The following TTN variants were observed in gnomAD, a reference collection of about 807,000 sequenced individuals.
TTN encodes connectin.
A neutral mutation model predicts 3,223.0 loss-of-function variants in TTN; 1,525 were observed. The observed-to-expected ratio is 0.47, with a 90% CI of 0.45 to 0.49. The LOEUF (loss-of-function observed/expected upper bound fraction) is 0.49, where lower values mean the gene tolerates loss of function less well. Among genes scored for constraint, TTN ranks in the 20% least tolerant of loss-of-function variants. TTN has a pLI of 0.00. For missense variants in TTN, 40,786 were observed against 43,424.0 expected (o/e 0.94, Z 5.40); for synonymous variants, 14,094 against 15,161.0 (o/e 0.93, Z 5.17).
chr2:178,629,288 GC>G lies in TTN; in HGVS notation c.44424+12del, dbSNP rs1201906301. The G allele has an allele frequency of 6.2e-7, 1 of 1,611,152 alleles. No homozygotes were observed. Among genetic ancestry groups the G allele is most frequent in the Non-Finnish European group, 8.5e-7 (1 of 1,178,616 alleles). On this transcript the variant is annotated intron_variant, in intron 240 of 362. Transcript: ENST00000589042. ...AAAAAGAACGGGAAAGACAAGGCAT[GC>G]CTGCTTTTTACCTTATCGCTGGGCT...
chr2:178,767,562 G>A (rs1196839138), intron 40 of TTN, among the ~76,000 whole-genome samples, 197 bp downstream of exon 40: 1 of 152,184 alleles, frequency 6.6e-6, no homozygotes, highest in Admixed American at 6.5e-5. Context: ...ACAGCTGCTA[G>A]GGACACCCTT....
Position 178,535,463 on chromosome 2 carries a change from C to T in TTN, c.101152G>A (p.Gly33718Ser), listed in dbSNP as rs760711365. The T allele has an allele frequency of 6.2e-7, 1 of 1,613,850 alleles. No individual in the cohort carries two copies. Among genetic ancestry groups the T allele is most frequent in the Non-Finnish European group, 8.5e-7 (1 of 1,179,834 alleles). The change falls in exon 358 of 363, where the codon GGC becomes AGC. Residue 33718 changes from glycine to serine, a missense_variant. By Grantham distance (56) the Gly-to-Ser change is moderately conservative (BLOSUM62 0). Coordinates refer to ENST00000589042, the MANE Select transcript of TTN (RefSeq NM_001267550.2). ...LTWTEPASDG[G>S]SKITNYIVEK... ...ACAATGTAGTTGGTGATTTTGCTGC[C>T]ACCATCAGAGGCTGGCTCAGTCCAT...
chr2:178,579,530 G>A lies in TTN; in HGVS notation c.67636+31C>T, dbSNP rs1158501600. On this transcript the variant is annotated intron_variant, in intron 319 of 362. Transcript: ENST00000589042. ...GAGTGCACTTTCGATGACAATAAAGGAAAAATGAAGATGTGTGCATAGAGC... is the reference window on the plus strand; with the variant it reads ...GAGTGCACTTTCGATGACAATAAAGAAAAAATGAAGATGTGTGCATAGAGC... 3 of 1,606,630 alleles carry A rather than the reference G, an allele frequency of 1.9e-6. No individual in the cohort carries two copies. The South Asian group carries it at 3.4e-5, about 18-fold the overall frequency.
Position 178,721,850 on chromosome 2 carries a change from T to C in TTN, c.22813A>G (p.Lys7605Glu). ...GTCAAAAGTCATGGAATGATACCTT[T>C]TACACTGAGCTGAGCTGAGCACATG... ...KDMCSAQLSV[K>E]EPPKFVKKLE... Residue 7605 changes from lysine (K) to glutamate (E), a missense_variant, in exon 78 of 363, where the codon AAA becomes GAA. Lys to Glu is a moderately conservative substitution (Grantham distance 56). Coordinates refer to ENST00000589042, the MANE Select transcript of TTN (RefSeq NM_001267550.2). 1 of 1,593,428 alleles carries C rather than the reference T, an allele frequency of 6.3e-7. No individual in the cohort carries two copies. The highest frequency in any genetic ancestry group is 8.5e-7 in the Non-Finnish European group (1 of 1,169,856).
rs1351287931 is a variant in TTN, at chr2:178,790,077, G to T, written c.1839C>A (p.Val613=). The T allele has an allele frequency of 6.2e-7, 1 of 1,612,898 alleles. No individual in the cohort carries two copies. Among genetic ancestry groups the T allele is most frequent in the African/African-American group, 1.3e-5 (1 of 74,878 alleles). ...KETRKTVVPK[V]IVATPKVKEQ... ...CTTTGACTTTGGGTGTGGCAACTAT[G>T]ACTTTAGGTACAACTGTTTTCCTAG... The change falls in exon 12 of 363, where the codon GTC becomes GTA. Residue 613 remains valine (V), a synonymous_variant. Coordinates refer to ENST00000589042, the MANE Select transcript of TTN (RefSeq NM_001267550.2).
At chr2:178,633,742 G>C in intron 231 of TTN, 66 bp from the exon 232 acceptor site, 20 of 1,604,986 alleles carry the variant, frequency 1.2e-5, no homozygotes, top group Non-Finnish European at 1.7e-5. Context: ...AGAGTAAAAG[G>C]TTGCAAAATA....
In TTN at chr2:178,712,437, G is replaced by A. The variant is rs199793620; in HGVS notation, c.27485C>T (p.Thr9162Met). Residue 9162 changes from threonine to methionine, a missense_variant, in exon 95 of 363, where the codon ACG becomes ATG. Physicochemically the swap from Thr to Met is moderately conservative, Grantham distance 81. Transcript: ENST00000589042. ...TTCCAGGATTGCCGATTTTTCAGTC[G>A]TAGTTATATTACACCTCTGAGAAGG... ...VTPSQRCNIT[T>M]TEKSAILEIP... 7.0e-5 allele frequency: 113 copies of A among 1,613,626 alleles called. No individual in the cohort carries two copies. In the African/African-American group the frequency reaches 1.2e-3, roughly 17 times the overall value.
Position 178,667,525 on chromosome 2 carries a change from A to G in TTN, c.35630T>C (p.Val11877Ala). 1 of 1,596,674 alleles carries G rather than the reference A, an allele frequency of 6.3e-7. No homozygotes were observed. Among genetic ancestry groups the G allele is most frequent in the East Asian group, 2.2e-5 (1 of 44,778 alleles). The change falls in exon 161 of 363, where the codon GTG (valine) becomes GCG (alanine). Residue 11877 changes from valine to alanine, a missense_variant and splice_region_variant. Transcript: ENST00000589042. The stretch of plus-strand genomic sequence containing the variant: ...AACAACTTTCTTGGGTGGCTCAGGC[A>G]CTTAAAAGATATGAGTATAGTTATA... ...PQKTKPKLAK[V>A]PEPPKKVVPE...
intron 133 of TTN, 53 bp from the exon 134 acceptor site, chr2:178,683,344 G>A (rs765745112): frequency 2.6e-6 from 3 of 1,172,118 alleles, no homozygotes; most frequent in South Asian, 1.6e-5. Flanking sequence ...AAATGTGTGT[G>A]TGAAGAGAAA....
chr2:178,550,617 G>T (rs1393193490), intron 336 of TTN: 3 of 408,638 alleles, frequency 7.3e-6, no homozygotes, highest in Non-Finnish European at 1.3e-5. Flanking sequence ...GCAAGGGGAT[G>T]ATTGTGTTGT....
chr2:178,709,827 T>C lies in TTN; in HGVS notation c.28492A>G (p.Arg9498Gly), dbSNP rs757471312. 2 of 1,612,534 alleles carry C rather than the reference T, an allele frequency of 1.2e-6. No individual in the cohort carries two copies. The highest frequency in any genetic ancestry group is 2.7e-5 in the African/African-American group (2 of 74,968). The change falls in exon 99 of 363, where the codon AGA (arginine) becomes GGA (glycine). Residue 9498 changes from arginine to glycine, a missense_variant. Physicochemically the swap from Arg to Gly is moderately radical, Grantham distance 125 (BLOSUM62 -2). Transcript: ENST00000589042. Reference protein sequence around the residue: ...ERLIPPSFTKRLSETVEETEG... With the variant: ...ERLIPPSFTKGLSETVEETEG... ...GTTTCTTCTACTGTCTCTGAGAGTC[T>C]TTTAGTGAAACTTGGTGGGATGAGC...
rs879000743 is a variant in TTN, at chr2:178,583,055, C to G, written c.65748G>C (p.Arg21916=). 9.3e-6 allele frequency: 15 copies of G among 1,611,176 alleles called. No individual in the cohort carries two copies. Among genetic ancestry groups the G allele is most frequent in the Admixed American group, 1.7e-5 (1 of 59,792 alleles). ...PAEGIKMAMQ[R]NLCTLELFSV... ...TGAATAGCTCCAAGGTGCACAGATT[C>G]CGCTGCATGGCCATCTTTATGCCTT... is the stretch of plus-strand genomic sequence containing the variant. Residue 21916 remains arginine (R), a synonymous_variant, in exon 313 of 363, where the codon CGG becomes CGC. Transcript: ENST00000589042.
In TTN at chr2:178,602,492, T is replaced by C. The variant is rs1011162214; in HGVS notation, c.54910A>G (p.Ile18304Val). The C allele has an allele frequency of 1.7e-5, 28 of 1,611,534 alleles. No individual in the cohort carries two copies. The highest frequency in any genetic ancestry group is 2.4e-5 in the Non-Finnish European group (28 of 1,178,754). ...TGCATTTCTACAATGTATCCTTTGATTGGGCTGCCACCATCTTTGGCTGGA... is the reference window on the plus strand; with the variant it reads ...TGCATTTCTACAATGTATCCTTTGACTGGGCTGCCACCATCTTTGGCTGGA... ...KPPAKDGGSP[I>V]KGYIVEMQEE... Residue 18304 changes from isoleucine to valine, a missense_variant, in exon 283 of 363, where the codon ATC (isoleucine) becomes GTC (valine). Ile to Val is a conservative substitution (Grantham distance 29, BLOSUM62 3). Coordinates refer to ENST00000589042, the MANE Select transcript of TTN (RefSeq NM_001267550.2).
intron 134 of TTN, 77 bp from the exon 135 acceptor site, chr2:178,682,980 G>T: frequency 1.5e-6 from 2 of 1,348,464 alleles, no homozygotes; most frequent in Non-Finnish European, 2.0e-6. Context: ...AATGTGCTTT[G>T]ATTTTATTCT....
At position 178,678,180 on chromosome 2, in the gene TTN, T is replaced by A; in HGVS notation, c.33939A>T (p.Pro11313=). 6.2e-7 allele frequency: 1 copy of A among 1,611,108 alleles called. No homozygotes were observed. Among genetic ancestry groups the A allele is most frequent in the Admixed American group, 1.7e-5 (1 of 59,600 alleles). The change falls in exon 145 of 363, where the codon CCA becomes CCT. Residue 11313 remains proline (P), a synonymous_variant. Transcript: ENST00000589042. ...KVPEVPKKLI[P]EEKKPTPVPK... is the part of the protein sequence containing the mutation. ...GAACAGGTGTTGGTTTCTTTTCTTC[T>A]GGGATGAGCTTCTTGGGCACCTCTG...
intron 236 of TTN, 86 bp downstream of exon 236, chr2:178,632,061 A>G (rs1452601865): frequency 8.6e-6 from 12 of 1,403,082 alleles, no homozygotes; most frequent in Non-Finnish European, 1.1e-5. Flanking sequence ...GCAATATAAC[A>G]CTTAGAAGAC....
In TTN at chr2:178,593,956, C is replaced by T. The variant is rs2050837938; in HGVS notation, c.58432+5G>A. The T allele has an allele frequency of 1.9e-6, 3 of 1,613,232 alleles. No individual in the cohort carries two copies. Among genetic ancestry groups the T allele is most frequent in the Non-Finnish European group, 2.5e-6 (3 of 1,179,600 alleles). ...GATCTATTCTTTCCACTAAATAAGA[C>T]TTACCAACAACATTAACTTGACAGA... is the stretch of plus-strand genomic sequence containing the variant. On this transcript the variant is annotated splice_donor_5th_base_variant and intron_variant, in intron 297 of 362. Transcript: ENST00000589042.
At chr2:178,627,211 A>ATTTCTTAAACTT (rs1464590803) in intron 240 of TTN, among the ~76,000 whole-genome samples, 1 of 151,984 alleles carries the variant, frequency 6.6e-6, no homozygotes, top group African/African-American at 2.4e-5. Context: ...GGAACTTGGC[A>ATTTCTTAAACTT]GTCCTTTCTT....
chr2:178,577,864 T>C lies in TTN; in HGVS notation c.68562A>G (p.Thr22854=). 1 of 1,594,446 alleles carries C rather than the reference T, an allele frequency of 6.3e-7. No homozygotes were observed. Among genetic ancestry groups the C allele is most frequent in the Non-Finnish European group, 8.5e-7 (1 of 1,170,182 alleles). The change falls in exon 323 of 363, where the codon ACA becomes ACG. Residue 22854 remains threonine, a synonymous_variant. Transcript: ENST00000589042. ...TCCAAATGAGAGTCACTGAATTCCT[T>C]GTTATGTTAATAACCTCAGGTTTTC... ...PPGKPEVINI[T]RNSVTLIWTE... is the part of the protein sequence containing the mutation.
Sources: allele counts gnomAD v4.1 joint callset (sites outside exome capture counted in the v4.1 genomes callset), GRCh38; gene constraint gnomAD v4.1.1; transcripts MANE v1.5; gene names NCBI Gene and HGNC (gene_info 2026-07-23, HGNC 2026-07-21).